Variants in SLC25A21 observed in about 807,000 individuals in gnomAD.
The protein encoded by SLC25A21 is mitochondrial 2-oxodicarboxylate carrier.
Under a neutral mutation model 43.8 loss-of-function variants are expected in SLC25A21, and 47 were observed. The ratio of observed to expected loss-of-function variants is 1.07; its 90% CI spans 0.85 to 1.37. The LOEUF is 1.37. Ranked by LOEUF, SLC25A21 falls within the 40% of genes most tolerant of loss-of-function variation. The probability of loss-of-function intolerance (pLI) is 0.00; values close to 1 mark genes in which losing one functional copy is unlikely to be tolerated. For synonymous variants in SLC25A21, 131 were observed against 121.3 expected (o/e 1.08, Z -0.52); for missense variants, 352 against 350.2 (o/e 1.00, Z -0.04).
chr14:37,098,805 A>ATTT (rs71124791), intron 1 of SLC25A21, among the ~76,000 whole-genome samples: 6 of 129,544 alleles, frequency 4.6e-5, no homozygotes, highest in Admixed American at 7.2e-5. Flanking sequence ...AGATAGATAG[A>ATTT]TTTTTTTTTT....
At chr14:36,945,922 A>G (rs1892670017) in intron 1 of SLC25A21, among the ~76,000 whole-genome samples, 1 of 151,868 alleles carries the variant, frequency 6.6e-6, no homozygotes, top group Non-Finnish European at 1.5e-5. Context: ...TTAATGAAGA[A>G]AAAAGGTGAA....
chr14:37,124,249 T>G (rs1040261619), intron 1 of SLC25A21, among the ~76,000 whole-genome samples: 1 of 152,096 alleles, frequency 6.6e-6, no homozygotes, highest in Non-Finnish European at 1.5e-5. Flanking sequence ...GCCACATTGG[T>G]TTTAAAATAA....
intron 3 of SLC25A21, among the ~76,000 whole-genome samples, chr14:36,810,109 T>A (rs1159994630): frequency 6.6e-6 from 1 of 152,146 alleles, no homozygotes; most frequent in Admixed American, 6.6e-5. Flanking sequence ...TAAAAAATAT[T>A]TCCATCTCTA....
chr14:37,144,624 AC>A (rs986988543), intron 1 of SLC25A21, among the ~76,000 whole-genome samples: 3 of 152,334 alleles, frequency 2.0e-5, no homozygotes, highest in African/African-American at 7.2e-5. Flanking sequence ...TGAGCACAAA[AC>A]AAAATTCTAC....
intron 5 of SLC25A21, among the ~76,000 whole-genome samples, chr14:36,727,252 T>C (rs1245389092): frequency 6.6e-6 from 1 of 152,262 alleles, no homozygotes; most frequent in African/African-American, 2.4e-5. Context: ...GAATCTCTGA[T>C]GAGCCACAGT....
At chr14:37,003,347 T>C (rs1960529041) in intron 1 of SLC25A21, among the ~76,000 whole-genome samples, 2 of 152,188 alleles carry the variant, frequency 1.3e-5, no homozygotes, top group Admixed American at 6.5e-5. Context: ...GCTACAGGCA[T>C]TGTAATATAG....
intron 1 of SLC25A21, among the ~76,000 whole-genome samples, chr14:36,875,532 A>G (rs1890495584): frequency 6.6e-6 from 1 of 152,228 alleles, no homozygotes; most frequent in Admixed American, 6.5e-5. Context: ...ATAGCTTAAT[A>G]GAGAATATTT....
chr14:36,699,459 G>C (rs1883183128), intron 7 of SLC25A21, among the ~76,000 whole-genome samples: 3 of 152,190 alleles, frequency 2.0e-5, no homozygotes, highest in African/African-American at 7.2e-5. Flanking sequence ...ACGCCATGCT[G>C]GGAGAACAAC....
At chr14:36,797,599 T>C (rs955959844) in intron 3 of SLC25A21, among the ~76,000 whole-genome samples, 15 of 152,204 alleles carry the variant, frequency 9.9e-5, no homozygotes, top group Admixed American at 3.3e-4. Context: ...GTAAATTCTA[T>C]AGCAATGAAT....
intron 2 of SLC25A21, among the ~76,000 whole-genome samples, chr14:36,816,258 C>T (rs2138451097): frequency 6.6e-6 from 1 of 152,260 alleles, no homozygotes; most frequent in East Asian, 1.9e-4. Context: ...GGAGTTCAGT[C>T]TTCCAGCAGA....
chr14:36,763,765 T>G (rs995493459), intron 3 of SLC25A21, among the ~76,000 whole-genome samples: 2 of 151,822 alleles, frequency 1.3e-5, no homozygotes, highest in African/African-American at 4.8e-5. Context: ...GTGAGGTGGC[T>G]CATGCCTGTA....
intron 2 of SLC25A21, among the ~76,000 whole-genome samples, chr14:36,848,590 TACTCTCGGTAGAA>T (rs1185130937): frequency 6.6e-6 from 1 of 152,180 alleles, no homozygotes; most frequent in Non-Finnish European, 1.5e-5. Flanking sequence ...GGGTCTCATC[TACTCTCGGTAGAA>T]ATGCAGTAAA....
chr14:36,711,399 T>G lies in SLC25A21; in HGVS notation c.522A>C (p.Ala174=), dbSNP rs369048136. 3.7e-6 allele frequency: 6 copies of G among 1,614,072 alleles called. No homozygotes were observed. The highest frequency in any genetic ancestry group is 5.1e-6 in the Non-Finnish European group (6 of 1,180,026). The change falls in exon 7 of 10, where the codon GCA becomes GCC. Residue 174 remains alanine (A), a synonymous_variant. Coordinates refer to ENST00000331299, the MANE Select transcript of SLC25A21 (RefSeq NM_030631.4). ...GLQGLNKGLT[A]TLGRHGVFNM... is the part of the protein sequence containing the mutation. ...TGAAAACTCCATGTCGTCCCAAAGT[T>G]GCAGTTAATCCTTTGTTGAGGCCCT...
intron 1 of SLC25A21, among the ~76,000 whole-genome samples, chr14:37,143,080 TG>T (rs768068596): frequency 2.0e-5 from 3 of 152,180 alleles, no homozygotes; most frequent in Non-Finnish European, 4.4e-5. Context: ...ATTAGTCAGC[TG>T]AGAAACATAG....
intron 1 of SLC25A21, among the ~76,000 whole-genome samples, chr14:37,157,028 C>T (rs777556612): frequency 1.5e-4 from 23 of 152,128 alleles, no homozygotes; most frequent in African/African-American, 2.7e-4. Flanking sequence ...CCATATGTTA[C>T]GCCACAACAC....
chr14:37,083,007 C>T (rs1004949885), intron 1 of SLC25A21, among the ~76,000 whole-genome samples: 15 of 152,186 alleles, frequency 9.9e-5, no homozygotes, highest in African/African-American at 2.4e-5. Flanking sequence ...CACATTCACA[C>T]ACCAGGAAAC....
intron 1 of SLC25A21, among the ~76,000 whole-genome samples, chr14:36,930,612 A>G (rs1268680756): frequency 2.6e-5 from 4 of 151,982 alleles, no homozygotes; most frequent in African/African-American, 9.7e-5. Context: ...CTGCTGTATC[A>G]TCTATAACCC....
chr14:36,895,701 A>G (rs1891217733), intron 1 of SLC25A21, among the ~76,000 whole-genome samples: 1 of 152,088 alleles, frequency 6.6e-6, no homozygotes, highest in Admixed American at 6.6e-5. Flanking sequence ...CCCTCTACAC[A>G]CTGCTTTGAA....
At position 36,892,790 on chromosome 14, in the gene SLC25A21, C is replaced by T. The variant is rs373648413; in HGVS notation, c.71-17786G>A. ...TTCAATTCCCACCTATGAGTGAGAACATGCGGTGTTTGGTTTTTTGTCCTT... is the reference window on the plus strand; with the variant it reads ...TTCAATTCCCACCTATGAGTGAGAATATGCGGTGTTTGGTTTTTTGTCCTT... On this transcript the variant is annotated intron_variant, in intron 1 of 9. Coordinates refer to ENST00000331299, the MANE Select transcript of SLC25A21 (RefSeq NM_030631.4). Among the ~76,000 whole-genome samples the T allele has an allele frequency of 3.3e-3, 498 of 152,014 alleles. 4 individuals carry two copies. Among genetic ancestry groups the T allele is most frequent in the African/African-American group, 0.011 (453 of 41,428 alleles).
Sources: gnomAD v4.1 joint callset for allele counts (sites outside exome capture counted in the v4.1 genomes callset) on GRCh38, gnomAD v4.1.1 for gene constraint, MANE v1.5 for transcripts, NCBI Gene and HGNC (gene_info 2026-07-23, HGNC 2026-07-21) for gene names.